Variants in CNTNAP2 observed in about 807,000 individuals in gnomAD.
CNTNAP2 encodes contactin-associated protein-like 2.
In CNTNAP2, 98 loss-of-function variants were observed where a neutral mutation model predicts 155.2. The ratio of observed to expected loss-of-function variants is 0.63; its 90% CI spans 0.54 to 0.75. CNTNAP2 has a LOEUF of 0.75. Among genes scored for constraint, CNTNAP2 ranks in the 30% least tolerant of loss-of-function variants. The probability of loss-of-function intolerance (pLI) is 0.00; values close to 1 mark genes in which losing one functional copy is unlikely to be tolerated. For synonymous variants in CNTNAP2, 651 were observed against 631.2 expected (o/e 1.03, Z -0.47); for missense variants, 1,727 against 1,688.1 (o/e 1.02, Z -0.40).
chr7:148,183,325 A>T (rs1795068164), intron 18 of CNTNAP2, among the ~76,000 whole-genome samples: 1 of 152,218 alleles, frequency 6.6e-6, no homozygotes, highest in South Asian at 2.1e-4. Flanking sequence ...CCTAATTCTG[A>T]GGGCGTAATT....
intron 2 of CNTNAP2, among the ~76,000 whole-genome samples, chr7:146,808,270 T>G (rs1803003635): frequency 6.6e-6 from 1 of 152,238 alleles, no homozygotes; most frequent in Admixed American, 6.5e-5. Context: ...CAAATAATTC[T>G]TCAATAGATA....
chr7:147,068,547 TG>T (rs1563064677), intron 4 of CNTNAP2, among the ~76,000 whole-genome samples: 1 of 152,052 alleles, frequency 6.6e-6, no homozygotes, highest in Non-Finnish European at 1.5e-5. Context: ...TTAGTAGAGA[TG>T]GGGTTTCACC....
chr7:146,856,261 T>TATAG (rs72247117), intron 3 of CNTNAP2, among the ~76,000 whole-genome samples: 11,305 of 134,952 alleles, frequency 0.084, 694 homozygotes, highest in South Asian at 0.16. Flanking sequence ...AGATGATAGA[T>TATAG]ATAGATAGAT....
chr7:148,307,428 C>G (rs1797508952), intron 21 of CNTNAP2, among the ~76,000 whole-genome samples: 1 of 152,228 alleles, frequency 6.6e-6, no homozygotes. Context: ...CTTCTCAGCA[C>G]TCTCCACCTC....
At chr7:146,818,447 C>T (rs1293559363) in intron 2 of CNTNAP2, among the ~76,000 whole-genome samples, 2 of 152,126 alleles carry the variant, frequency 1.3e-5, no homozygotes, top group African/African-American at 4.8e-5. Context: ...CATGTCTCTC[C>T]ATGAAATAAA....
intron 20 of CNTNAP2, among the ~76,000 whole-genome samples, chr7:148,246,430 A>G (rs185147085): frequency 2.4e-4 from 36 of 152,308 alleles, no homozygotes; most frequent in Non-Finnish European, 5.0e-4. Flanking sequence ...CTTAAGCTTT[A>G]TTGAAAGACC....
chr7:147,848,271 T>C (rs1250103097), intron 13 of CNTNAP2, among the ~76,000 whole-genome samples: 2 of 148,204 alleles, frequency 1.3e-5, no homozygotes, highest in East Asian at 2.0e-4. Flanking sequence ...TAGGACCCTC[T>C]GAGCCAGGTG....
intron 2 of CNTNAP2, among the ~76,000 whole-genome samples, chr7:146,814,917 T>A (rs935325664): frequency 7.2e-5 from 11 of 152,142 alleles, no homozygotes; most frequent in African/African-American, 2.2e-4. Context: ...AATGTAACAT[T>A]TCCTGAGATT....
intron 3 of CNTNAP2, among the ~76,000 whole-genome samples, chr7:146,918,196 G>GT (rs368073239): frequency 3.2e-4 from 48 of 152,220 alleles, no homozygotes; most frequent in African/African-American, 9.9e-4. Context: ...GTATTGAGAG[G>GT]TGAGGTATTG....
At chr7:147,223,362 C>T (rs1392833075) in intron 8 of CNTNAP2, among the ~76,000 whole-genome samples, 2 of 152,116 alleles carry the variant, frequency 1.3e-5, no homozygotes, top group African/African-American at 4.8e-5. Flanking sequence ...AGATAGGCAG[C>T]AAGGGACAAC....
intron 1 of CNTNAP2, among the ~76,000 whole-genome samples, chr7:146,168,279 A>G (rs1485341911): frequency 6.6e-6 from 1 of 152,200 alleles, no homozygotes; most frequent in Non-Finnish European, 1.5e-5. Context: ...TTATACATGA[A>G]GGAAAATTTA....
Position 146,839,714 on chromosome 7 carries a change from C to T in CNTNAP2, c.212C>T (p.Ala71Val). 1 of 1,614,106 alleles carries T rather than the reference C, an allele frequency of 6.2e-7. No homozygotes were observed. Among genetic ancestry groups the T allele is most frequent in the Non-Finnish European group, 8.5e-7 (1 of 1,180,000 alleles). ...TCTTACCTCTGCCCATCTTCAGGTG[C>T]TGGGGGATGGTCTCCATCAGACAGC... ...GYAKINKRGG[A>V]GGWSPSDSDH... Residue 71 changes from alanine (A) to valine (V), a missense_variant, in exon 3 of 24, where the codon GCT becomes GTT. Physicochemically the swap from Ala to Val is moderately conservative, Grantham distance 64 (BLOSUM62 0). Coordinates refer to ENST00000361727, the MANE Select transcript of CNTNAP2 (RefSeq NM_014141.6).
chr7:147,447,689 G>C (rs2116562180), intron 10 of CNTNAP2, among the ~76,000 whole-genome samples: 1 of 152,148 alleles, frequency 6.6e-6, no homozygotes, highest in Admixed American at 6.5e-5. Flanking sequence ...CAAAGTGCTG[G>C]GATTACAGGC....
intron 11 of CNTNAP2, chr7:147,496,718 G>T (rs1798715289): frequency 6.6e-6 from 1 of 152,166 alleles, no homozygotes; most frequent in Non-Finnish European, 1.5e-5. Context: ...ACTACTCAGT[G>T]AGGATTCTCT....
chr7:147,380,086 T>C (rs1256564697), intron 9 of CNTNAP2, among the ~76,000 whole-genome samples: 2 of 152,142 alleles, frequency 1.3e-5, no homozygotes, highest in South Asian at 2.1e-4. Context: ...GAGATTATTG[T>C]TTCTGTTTCC....
chr7:147,373,889 T>C (rs1329071432), intron 9 of CNTNAP2, among the ~76,000 whole-genome samples: 2 of 151,984 alleles, frequency 1.3e-5, no homozygotes, highest in Non-Finnish European at 2.9e-5. Flanking sequence ...GGAGATGGAA[T>C]AAAAATATAA....
At chr7:147,502,557 G>A (rs1798834348) in intron 11 of CNTNAP2, among the ~76,000 whole-genome samples, 1 of 152,118 alleles carries the variant, frequency 6.6e-6, no homozygotes, top group Non-Finnish European at 1.5e-5. Context: ...AGATGAATAA[G>A]TTCTGGGGAG....
At chr7:146,869,996 T>C (rs911560490) in intron 3 of CNTNAP2, among the ~76,000 whole-genome samples, 2 of 152,182 alleles carry the variant, frequency 1.3e-5, no homozygotes, top group African/African-American at 4.8e-5. Flanking sequence ...GTATTTTTGC[T>C]GAGGATTTTT....
intron 4 of CNTNAP2, among the ~76,000 whole-genome samples, chr7:147,057,395 T>C (rs1222985509): frequency 6.6e-6 from 1 of 152,172 alleles, no homozygotes; most frequent in Non-Finnish European, 1.5e-5. Flanking sequence ...TTCTTCTTCT[T>C]ATATCTTCTT....
Sources: allele counts gnomAD v4.1 joint callset (sites outside exome capture counted in the v4.1 genomes callset), GRCh38; gene constraint gnomAD v4.1.1; transcripts MANE v1.5; gene names NCBI Gene and HGNC (gene_info 2026-07-23, HGNC 2026-07-21).